The following KIAA2012 variants were observed in gnomAD, a reference collection of about 807,000 sequenced individuals.
KIAA2012 encodes uncharacterized protein KIAA2012.
Under a neutral mutation model 150.6 loss-of-function variants are expected in KIAA2012, and 125 were observed. The ratio of observed to expected loss-of-function variants is 0.83; its 90% confidence interval spans 0.72 to 0.96. KIAA2012 has a LOEUF of 0.96. KIAA2012 is among the 40% of genes least tolerant of loss of function. The probability of loss-of-function intolerance (pLI) is 0.00; values close to 1 mark genes in which losing one functional copy is unlikely to be tolerated. For missense variants in KIAA2012, 1,219 were observed against 1,354.9 expected, an observed-to-expected ratio of 0.90 and a Z score of 1.57; for synonymous variants, 462 against 504.7, an observed-to-expected ratio of 0.92 and a Z score of 1.13.
At chr2:202,107,994 G>A (rs1249976106) in intron 9 of KIAA2012, among the ~76,000 whole-genome samples, 1 of 152,146 alleles carries the variant, frequency 6.6e-6, no homozygotes, top group South Asian at 2.1e-4. Context: ...GGGCGACAGA[G>A]AGAGGCTCTG....
Position 202,113,428 on chromosome 2 carries a change from G to C in KIAA2012, c.1744G>C (p.Ala582Pro), listed in dbSNP as rs1312895354. The C allele has an allele frequency of 6.5e-7, 1 of 1,550,008 alleles. No individual in the cohort carries two copies. Among genetic ancestry groups the C allele is most frequent in the Non-Finnish European group, 8.7e-7 (1 of 1,146,830 alleles). The change falls in exon 11 of 24, where the codon GCG (alanine) becomes CCG (proline). Residue 582 changes from alanine to proline, a missense_variant. Coordinates refer to ENST00000498697, the MANE Select transcript of KIAA2012 (RefSeq NM_001277372.4). ...LSLPGHTQTE[A>P]LPSGKAYESV... The stretch of plus-strand genomic sequence containing the variant: ...CCTCCCAGGGCATACCCAAACCGAG[G>C]CGCTTCCATCGGGTAAAGGTAAGCT...
At chr2:202,130,654 C>T (rs1461773150) in intron 12 of KIAA2012, among the ~76,000 whole-genome samples, 2 of 152,222 alleles carry the variant, frequency 1.3e-5, no homozygotes, top group Non-Finnish European at 2.9e-5. Flanking sequence ...CAGTGACTCA[C>T]ACCTGTAATC....
Position 202,133,101 on chromosome 2 carries a change from T to TA in KIAA2012, c.1832-5322dup, listed in dbSNP as rs376450801. On this transcript the variant is annotated intron_variant, in intron 12 of 23. Coordinates refer to ENST00000498697, the MANE Select transcript of KIAA2012 (RefSeq NM_001277372.4). ...GCCTGGGCGACAGTGTGAGACTGTC[T>TA]AAAAAAAAATATATATATATATATA... Among the ~76,000 whole-genome samples the TA allele has an allele frequency of 6.9e-4, 51 of 74,176 alleles. 1 individual carries two copies. Among genetic ancestry groups the TA allele is most frequent in the African/African-American group, 2.2e-3 (37 of 16,762 alleles). 48.7% of individuals were successfully genotyped at this position (74,176 alleles called of 152,430 possible). A position where few individuals can be genotyped will look rare whatever the true frequency, so the allele number is the denominator to read the frequency against.
At chr2:202,200,792 C>T (rs1426047937) in intron 22 of KIAA2012, among the ~76,000 whole-genome samples, 4 of 146,048 alleles carry the variant, frequency 2.7e-5, no homozygotes, top group South Asian at 4.4e-4. Context: ...CCGCAACCTC[C>T]GCCTGCCAGA....
intron 15 of KIAA2012, among the ~76,000 whole-genome samples, chr2:202,174,367 C>CA (rs1691952720): frequency 6.6e-6 from 1 of 151,156 alleles, no homozygotes; most frequent in African/African-American, 2.4e-5. Flanking sequence ...GTAAAGAAAC[C>CA]AAAAAAAGGA....
At chr2:202,168,417 C>CA (rs59232782) in intron 15 of KIAA2012, among the ~76,000 whole-genome samples, 5,192 of 91,912 alleles carry the variant, frequency 0.056, 408 homozygotes, top group African/African-American at 0.18. Context: ...GACTCTGTCT[C>CA]AAAAAAAAAA....
chr2:202,144,646 C>T (rs1355892865), intron 13 of KIAA2012, among the ~76,000 whole-genome samples: 1 of 152,130 alleles, frequency 6.6e-6, no homozygotes, highest in Non-Finnish European at 1.5e-5. Context: ...TGTTATCTGC[C>T]TTTGTATCCT....
chr2:202,153,258 AGAG>A (rs1379185245), intron 13 of KIAA2012, among the ~76,000 whole-genome samples: 3 of 152,164 alleles, frequency 2.0e-5, no homozygotes, highest in African/African-American at 2.4e-5. Flanking sequence ...CTTCCAGTCT[AGAG>A]GAGGAGGAGA....
At chr2:202,100,227 G>T in intron 6 of KIAA2012, 80 bp from the exon 7 acceptor site, 1 of 1,411,270 alleles carries the variant, frequency 7.1e-7, no homozygotes, top group South Asian at 1.4e-5. Context: ...CATTAACTAC[G>T]ACGTGATAAA....
chr2:202,187,738 C>T (rs1016970844), intron 17 of KIAA2012, among the ~76,000 whole-genome samples: 1 of 152,166 alleles, frequency 6.6e-6, no homozygotes, highest in African/African-American at 2.4e-5. Flanking sequence ...TGGTCATCTG[C>T]CTGAGGTTTC....
chr2:202,120,815 T>G (rs747743159), intron 11 of KIAA2012, among the ~76,000 whole-genome samples: 2 of 152,220 alleles, frequency 1.3e-5, no homozygotes, highest in African/African-American at 4.8e-5. Flanking sequence ...TCCCAGAGTA[T>G]TTCTCATAAT....
chr2:202,114,688 C>T (rs569312212), intron 11 of KIAA2012: 1 of 165,626 alleles, frequency 6.0e-6, no homozygotes, highest in South Asian at 2.1e-4. Context: ...TAGCATAGTC[C>T]CTGACATATA....
intron 13 of KIAA2012, among the ~76,000 whole-genome samples, chr2:202,142,147 T>C (rs1364070780): frequency 6.6e-6 from 1 of 152,204 alleles, no homozygotes; most frequent in African/African-American, 2.4e-5. Flanking sequence ...TGAGGCAAAC[T>C]GTAAGTACCA....
At chr2:202,142,257 T>G (rs969981670) in intron 13 of KIAA2012, among the ~76,000 whole-genome samples, 1 of 152,208 alleles carries the variant, frequency 6.6e-6, no homozygotes, top group African/African-American at 2.4e-5. Context: ...ACACTTCTGG[T>G]GGAACACAGT....
At chr2:202,200,706 A>ATTTTTT in intron 22 of KIAA2012, among the ~76,000 whole-genome samples, 1 of 39,032 alleles carries the variant, frequency 2.6e-5, no homozygotes, top group Admixed American at 2.7e-4. Flanking sequence ...TAATTTTGGA[A>ATTTTTT]CTTTTTTTTT....
chr2:202,143,439 A>G (rs1407457210), intron 13 of KIAA2012, among the ~76,000 whole-genome samples: 1 of 131,744 alleles, frequency 7.6e-6, no homozygotes, highest in Non-Finnish European at 1.6e-5. Context: ...GACTGCAACT[A>G]TGTAAAAAAA....
In KIAA2012 at chr2:202,196,186, C is replaced by CTTTTCTT. The variant is rs59455367; in HGVS notation, c.3188-610_3188-609insCTTTTTT. Among the ~76,000 whole-genome samples the CTTTTCTT allele has an allele frequency of 1.6e-3, 129 of 79,682 alleles. 10 individuals are homozygous for CTTTTCTT. Among genetic ancestry groups the CTTTTCTT allele is most frequent in the African/African-American group, 6.3e-3 (104 of 16,468 alleles). The allele number at this position is 79,682 out of a possible 152,430, so 52.3% of individuals were successfully genotyped here. On this transcript the variant is annotated intron_variant, in intron 21 of 23. Transcript: ENST00000498697. Reference sequence around the variant, plus strand: ...CACCAAGTTTCTTTTCTTTTCTTTTCTTTTTTTTTTTTTTTTTTTTTTTTT... The same window carrying CTTTTCTT: ...CACCAAGTTTCTTTTCTTTTCTTTTCTTTTCTTTTTTTTTTTTTTTTTTTTTTTTTTT...
intron 15 of KIAA2012, among the ~76,000 whole-genome samples, chr2:202,176,661 G>A (rs1044405680): frequency 6.6e-6 from 1 of 152,026 alleles, no homozygotes; most frequent in Admixed American, 6.6e-5. Flanking sequence ...GAAAGAAAAA[G>A]ACAATCAACC....
chr2:202,118,672 T>C (rs1316306572), intron 11 of KIAA2012, among the ~76,000 whole-genome samples: 3 of 152,236 alleles, frequency 2.0e-5, no homozygotes, highest in African/African-American at 7.2e-5. Flanking sequence ...AGGCTTGGCA[T>C]GGCGCTAAGT....
Sources: allele counts gnomAD v4.1 joint callset (sites outside exome capture counted in the v4.1 genomes callset), GRCh38; gene constraint gnomAD v4.1.1; transcripts MANE v1.5; gene names NCBI Gene and HGNC (gene_info 2026-07-23, HGNC 2026-07-21).